OTC: variants seen among roughly 807,000 people sequenced by gnomAD.
OTC encodes the protein ornithine transcarbamylase, also known as ornithine transcarbamylase, mitochondrial.
In OTC, 3 loss-of-function variants were observed where a neutral mutation model predicts 30.3. The observed-to-expected ratio is 0.10, with a 90% confidence interval of 0.05 to 0.26. The LOEUF (loss-of-function observed/expected upper bound fraction) is 0.26, where lower values mean the gene tolerates loss of function less well. Ranked by LOEUF, OTC falls within the 10% of genes least tolerant of loss-of-function variation. OTC has a pLI of 1.00. For missense variants in OTC, 194 were observed against 260.3 expected, an observed-to-expected ratio of 0.75 and a Z score of 1.75; for synonymous variants, 111 against 99.7, an observed-to-expected ratio of 1.11 and a Z score of -0.67.
At chrX:38,405,377 C>A (rs1204086512) in intron 6 of OTC, among the ~76,000 whole-genome samples, 1 of 111,590 alleles carries the variant, frequency 9.0e-6, no homozygotes, top group Non-Finnish European at 1.9e-5. Flanking sequence ...TCGGAAGCCT[C>A]TCAGGGAGGA....
chrX:38,347,820 G>A (rs1363085142), upstream of OTC, among the ~76,000 whole-genome samples: 3 of 111,857 alleles, frequency 2.7e-5, no homozygotes, highest in East Asian at 5.6e-4. Context: ...TTCACCAGGA[G>A]TGAGTGACTG....
intron 4 of OTC, among the ~76,000 whole-genome samples, chrX:38,388,407 A>G (rs539732281): frequency 9.0e-6 from 1 of 110,616 alleles, no homozygotes; most frequent in African/African-American, 3.3e-5. Flanking sequence ...GTCATTTACC[A>G]GGTGCTCTAC....
chrX:38,376,456 T>C (rs1194170638), intron 3 of OTC, among the ~76,000 whole-genome samples: 1 of 111,786 alleles, frequency 8.9e-6, no homozygotes, highest in Non-Finnish European at 1.9e-5. Context: ...GGAAAATTCA[T>C]CTATGCTTAA....
chrX:38,340,459 G>GTTTTTTTTT, the OTC span, among the ~76,000 whole-genome samples: 107 of 60,410 alleles, frequency 1.8e-3, no homozygotes, highest in East Asian at 4.1e-3. Flanking sequence ...TTGTTTTTTT[G>GTTTTTTTTT]TTTTTTTTTT....
chrX:38,408,371 G>A (rs57797836), intron 6 of OTC, among the ~76,000 whole-genome samples: 7,182 of 111,873 alleles, frequency 0.064, 615 homozygotes, highest in African/African-American at 0.22. Flanking sequence ...TTTCAGACAA[G>A]AAAGGATAGC....
At chrX:38,375,042 T>C (rs2068339423) in intron 3 of OTC, among the ~76,000 whole-genome samples, 1 of 111,991 alleles carries the variant, frequency 8.9e-6, no homozygotes, top group African/African-American at 3.2e-5. Flanking sequence ...AAATTCCTCC[T>C]TTATTCATTC....
At chrX:38,376,908 C>T (rs778409418) in intron 3 of OTC, among the ~76,000 whole-genome samples, 2 of 112,204 alleles carry the variant, frequency 1.8e-5, no homozygotes, top group East Asian at 2.8e-4. Flanking sequence ...CAACGCTCCA[C>T]CTTCAGCATT....
intron 3 of OTC, among the ~76,000 whole-genome samples, chrX:38,379,865 G>A (rs748388977): frequency 6.3e-5 from 7 of 110,946 alleles, no homozygotes; most frequent in African/African-American, 1.3e-4. Context: ...TCCTGACCTC[G>A]TGATCCACCT....
chrX:38,358,304 A>C (rs1319870243), intron 1 of OTC, among the ~76,000 whole-genome samples: 1 of 111,296 alleles, frequency 9.0e-6, no homozygotes, highest in African/African-American at 3.3e-5. Context: ...AACTGTTTTA[A>C]TGTGGTACAA....
At position 38,381,471 on chromosome X, in the gene OTC, C is replaced by A. The variant is rs184980566; in HGVS notation, c.386+42C>A. 161 of 848,311 alleles carry A rather than the reference C, an allele frequency of 1.9e-4. No homozygotes were observed. In the East Asian group the frequency reaches 4.7e-3, roughly 25 times the overall value. 69.9% of individuals were successfully genotyped at this position (848,311 alleles called of 1,213,427 possible). A position where few individuals can be genotyped will look rare whatever the true frequency, so the allele number is the denominator to read the frequency against. On this transcript the variant is annotated intron_variant, in intron 4 of 9. Coordinates refer to ENST00000039007, the MANE Select transcript of OTC (RefSeq NM_000531.6). ...TTCTCTCCAAAGCTGATTTCAGAAT[C>A]TGATGGATAAATTTCAAAAATAAAA...
the OTC span, among the ~76,000 whole-genome samples, chrX:38,334,556 A>G: frequency 2.7e-5 from 3 of 112,103 alleles, no homozygotes; most frequent in East Asian, 8.4e-4. Context: ...GCTGAGAAAA[A>G]AAGCCAGAGA....
chrX:38,361,637 A>G (rs949060908), intron 1 of OTC, among the ~76,000 whole-genome samples: 1 of 112,454 alleles, frequency 8.9e-6, no homozygotes, highest in African/African-American at 3.2e-5. Flanking sequence ...ACCAAAACAT[A>G]GAAAAGATGC....
chrX:38,409,861 GA>G (rs1352949148), intron 8 of OTC, among the ~76,000 whole-genome samples: 1 of 111,916 alleles, frequency 8.9e-6, no homozygotes, highest in Non-Finnish European at 1.9e-5. Context: ...ACAGAAGTTT[GA>G]AAAATAAAAA....
At chrX:38,422,436 T>C (rs1014040660), downstream of OTC, among the ~76,000 whole-genome samples, 1 of 111,886 alleles carries the variant, frequency 8.9e-6, no homozygotes, top group Non-Finnish European at 1.9e-5. Context: ...CAAGGTGTCA[T>C]ATGGATTGTG....
At chrX:38,407,180 C>A (rs12389165) in intron 6 of OTC, among the ~76,000 whole-genome samples, 21,115 of 112,052 alleles carry the variant, frequency 0.19, 1,563 homozygotes, top group South Asian at 0.26. Context: ...GATGTCCATT[C>A]ATCTGTCTGG....
the OTC span, among the ~76,000 whole-genome samples, chrX:38,342,332 A>C: frequency 9.0e-6 from 1 of 111,098 alleles, no homozygotes; most frequent in Non-Finnish European, 1.9e-5. Context: ...CTTTTAATAC[A>C]GCTCTGGAGT....
the OTC span, among the ~76,000 whole-genome samples, chrX:38,343,807 T>C: frequency 3.6e-5 from 4 of 112,363 alleles, no homozygotes; most frequent in East Asian, 1.1e-3. Flanking sequence ...CATTTCACAC[T>C]CTGTTCAGAA....
intron 4 of OTC, among the ~76,000 whole-genome samples, chrX:38,399,604 C>A: frequency 9.1e-6 from 1 of 110,463 alleles, no homozygotes; most frequent in East Asian, 2.8e-4. Flanking sequence ...CAAAAATTAG[C>A]TGGGTGTGGT....
chrX:38,401,059 A>C (rs1343668064), intron 4 of OTC, among the ~76,000 whole-genome samples: 2 of 111,935 alleles, frequency 1.8e-5, no homozygotes, highest in Non-Finnish European at 3.8e-5. Flanking sequence ...AAAATGTAAA[A>C]TCGCTGGTCA....
Sources: gnomAD v4.1 joint callset for allele counts (sites outside exome capture counted in the v4.1 genomes callset) on GRCh38, gnomAD v4.1.1 for gene constraint, MANE v1.5 for transcripts, NCBI Gene and HGNC (gene_info 2026-07-23, HGNC 2026-07-21) for gene names.